Variants in NAV3 observed in about 807,000 individuals in gnomAD.
NAV3 encodes the protein pore membrane and/or filament interacting like protein 1.
NAV3 carries 87 observed loss-of-function variants against 244.7 expected under a neutral mutation model. The ratio of observed to expected loss-of-function variants is 0.36; its 90% confidence interval spans 0.30 to 0.42. NAV3 has a LOEUF of 0.42. Among genes scored for constraint, NAV3 ranks in the 20% least tolerant of loss-of-function variants. The probability of loss-of-function intolerance (pLI) is 1.00; values close to 1 mark genes in which losing one functional copy is unlikely to be tolerated. For synonymous variants in NAV3, 1,126 were observed against 1,042.2 expected, an observed-to-expected ratio of 1.08 and a Z score of -1.55; for missense variants, 2,663 against 2,893.3, an observed-to-expected ratio of 0.92 and a Z score of 1.83.
At chr12:77,689,918 T>C (rs564072432) in intron 2 of NAV3, among the ~76,000 whole-genome samples, 2 of 152,002 alleles carry the variant, frequency 1.3e-5, no homozygotes, top group African/African-American at 4.8e-5. Context: ...TAAATATTTG[T>C]TACAGTACCC....
Position 77,606,102 on chromosome 12 carries a change from A to C in NAV3, c.72+33836A>C, listed in dbSNP as rs188899332. ...ATACCGTCTGAAAAACCTCATAGGT[A>C]AAAATGAGCACTTGGTAATGGCTTA... On this transcript the variant is annotated intron_variant, in intron 2 of 8. Coordinates refer to the NAV3 transcript ENST00000550042. Among the ~76,000 whole-genome samples the C allele has an allele frequency of 2.6e-5, 4 of 152,288 alleles. No homozygotes were observed. In the Middle Eastern group the frequency reaches 0.01, roughly 388 times the overall value.
intron 2 of NAV3, among the ~76,000 whole-genome samples, chr12:77,789,022 T>G (rs1871039502): frequency 6.6e-6 from 1 of 152,198 alleles, no homozygotes; most frequent in Non-Finnish European, 1.5e-5. Flanking sequence ...AAAGTCAGCC[T>G]ACTTAGTTAA....
At chr12:77,738,899 C>G (rs1868275368) in intron 2 of NAV3, among the ~76,000 whole-genome samples, 2 of 150,344 alleles carry the variant, frequency 1.3e-5, no homozygotes. Flanking sequence ...GTAGTCCCAG[C>G]TACTCAGGAG....
intron 22 of NAV3, among the ~76,000 whole-genome samples, chr12:78,155,028 A>G (rs184608629): frequency 6.6e-6 from 1 of 152,000 alleles, no homozygotes; most frequent in Non-Finnish European, 1.5e-5. Flanking sequence ...TTTTTCTTCA[A>G]CTTTTAAGTT....
intron 2 of NAV3, among the ~76,000 whole-genome samples, chr12:77,662,565 C>A (rs1339486088): frequency 6.6e-6 from 1 of 151,994 alleles, no homozygotes; most frequent in East Asian, 1.9e-4. Flanking sequence ...GAAACAGATA[C>A]CTGTGCCTAG....
upstream of NAV3, among the ~76,000 whole-genome samples, chr12:77,826,849 C>G (rs533391222): frequency 2.0e-5 from 3 of 152,260 alleles, no homozygotes; most frequent in South Asian, 6.2e-4. Flanking sequence ...GATAGTGGTA[C>G]TGGCCACATT....
chr12:77,808,225 G>A (rs1379596945), intron 2 of NAV3, among the ~76,000 whole-genome samples: 1 of 152,128 alleles, frequency 6.6e-6, no homozygotes, highest in Non-Finnish European at 1.5e-5. Flanking sequence ...TTGCTGGTGA[G>A]GAGTTGTGAT....
intron 11 of NAV3, 63 bp downstream of exon 11, chr12:78,051,210 T>A (rs2137267989): frequency 6.6e-7 from 1 of 1,520,492 alleles, no homozygotes; most frequent in East Asian, 2.3e-5. Context: ...TATAATGCAT[T>A]CACTATAAAC....
intron 5 of NAV3, among the ~76,000 whole-genome samples, chr12:77,983,504 A>C (rs981779419): frequency 2.0e-5 from 3 of 152,182 alleles, no homozygotes; most frequent in African/African-American, 7.2e-5. Flanking sequence ...TGGCCTTCGT[A>C]GGTTTAAGAT....
intron 12 of NAV3, among the ~76,000 whole-genome samples, chr12:78,065,129 A>C (rs1437129659): frequency 2.6e-5 from 4 of 152,044 alleles, no homozygotes; most frequent in African/African-American, 9.7e-5. Flanking sequence ...AGTTCCTTGA[A>C]GTTTCTCACC....
At chr12:77,935,344 A>G (rs1409415747) in intron 1 of NAV3, among the ~76,000 whole-genome samples, 3 of 152,114 alleles carry the variant, frequency 2.0e-5, no homozygotes, top group African/African-American at 7.2e-5. Flanking sequence ...GTTGCCTTCT[A>G]TTTCATCCTC....
intron 12 of NAV3, among the ~76,000 whole-genome samples, chr12:78,100,833 A>C (rs1342681101): frequency 1.3e-5 from 2 of 152,224 alleles, no homozygotes; most frequent in East Asian, 3.9e-4. Flanking sequence ...TTATTTTTAC[A>C]ATAAATGTGA....
intron 2 of NAV3, among the ~76,000 whole-genome samples, chr12:77,776,898 TC>T (rs1351174516): frequency 6.6e-6 from 1 of 152,176 alleles, no homozygotes; most frequent in Non-Finnish European, 1.5e-5. Context: ...TCTTTATCTA[TC>T]CAGCCCAGTA....
At chr12:77,843,189 C>A (rs1875991471) in intron 1 of NAV3, among the ~76,000 whole-genome samples, 1 of 152,092 alleles carries the variant, frequency 6.6e-6, no homozygotes, top group East Asian at 1.9e-4. Context: ...TTTTTGATAT[C>A]CACACTTGTG....
chr12:77,951,921 G>A (rs1418091419), intron 3 of NAV3, among the ~76,000 whole-genome samples: 1 of 152,026 alleles, frequency 6.6e-6, no homozygotes, highest in African/African-American at 2.4e-5. Flanking sequence ...TCTGTCGTGG[G>A]GCAGGGGGAG....
rs1157717563 is a variant in NAV3, at chr12:78,116,700, G to T, written c.2637-72G>T. ...GTCTTAATAATAAATTGTGAATGTT[G>T]CATGGAAATGTAGGTGACTTGCATT... On this transcript the variant is annotated intron_variant, in intron 12 of 39. Coordinates refer to ENST00000397909, the MANE Select transcript of NAV3 (RefSeq NM_001024383.2). 3 of 1,359,974 alleles carry T rather than the reference G, an allele frequency of 2.2e-6. No homozygotes were observed. In the South Asian group the frequency reaches 6.0e-5, roughly 27 times the overall value. 84.2% of individuals were successfully genotyped at this position (1,359,974 alleles called of 1,614,324 possible).
intron 2 of NAV3, among the ~76,000 whole-genome samples, chr12:77,739,944 A>T (rs1398859413): frequency 2.0e-5 from 3 of 152,192 alleles, no homozygotes; most frequent in African/African-American, 7.2e-5. Flanking sequence ...CTATAAATTT[A>T]AATTATTTAA....
chr12:77,853,854 T>C (rs903466263), intron 1 of NAV3, among the ~76,000 whole-genome samples: 7 of 152,214 alleles, frequency 4.6e-5, no homozygotes, highest in African/African-American at 1.7e-4. Context: ...GTTCCACTTA[T>C]TGGTTCTAGT....
In NAV3 at chr12:77,968,508, AT is replaced by A; in HGVS notation, c.488-8del. 1 of 1,600,886 alleles carries A rather than the reference AT, an allele frequency of 6.2e-7. No individual in the cohort carries two copies. The highest frequency in any genetic ancestry group is 8.5e-7 in the Non-Finnish European group (1 of 1,170,806). Reference sequence around the variant, plus strand: ...ATATGATTCTTTTTTTGTATTTTTCATTTCATACAGAAATAAGAAATGGAAA... The same window carrying A: ...ATATGATTCTTTTTTTGTATTTTTCATTCATACAGAAATAAGAAATGGAAA... On this transcript the variant is annotated splice_polypyrimidine_tract_variant and intron_variant, in intron 4 of 39. Coordinates refer to ENST00000397909, the MANE Select transcript of NAV3 (RefSeq NM_001024383.2).
Sources: allele counts gnomAD v4.1 joint callset (sites outside exome capture counted in the v4.1 genomes callset), GRCh38; gene constraint gnomAD v4.1.1; transcripts MANE v1.5; gene names NCBI Gene and HGNC (gene_info 2026-07-23, HGNC 2026-07-21).